CALHM4: variants seen among roughly 807,000 people sequenced by gnomAD.
The protein encoded by CALHM4 is calcium homeostasis modulator protein 4.
Under a neutral mutation model 13.3 loss-of-function variants are expected in CALHM4, and 16 were observed. The observed-to-expected ratio is 1.20, with a 90% CI of 0.81 to 1.82. The LOEUF is 1.82. Among genes scored for constraint, CALHM4 ranks in the 40% most tolerant of loss-of-function variants. The pLI is 0.00. For synonymous variants in CALHM4, 127 were observed against 137.1 expected, an observed-to-expected ratio of 0.93 and a Z score of 0.52; for missense variants, 344 against 374.9, an observed-to-expected ratio of 0.92 and a Z score of 0.68.
At chr6:116,540,534 G>C in intron 1 of CALHM4, 1 of 1,436,188 alleles carries the variant, frequency 7.0e-7, no homozygotes, top group Non-Finnish European at 9.6e-7. Flanking sequence ...TTTAAGAAGC[G>C]ATTTGTGTGT....
In CALHM4 at chr6:116,545,495, C is replaced by T. The variant is rs186298269; in HGVS notation, c.-1+1623C>T. 7.8e-4 allele frequency: 1,202 copies of T among 1,547,922 alleles called. 4 individuals carry two copies. In the Middle Eastern group the frequency reaches 7.9e-3, roughly 10 times the overall value. On this transcript the variant is annotated intron_variant, in intron 2 of 2. Transcript: ENST00000368597. The stretch of plus-strand genomic sequence containing the variant: ...TACTATTTTATGGTATTCTGGTCTT[C>T]GGTGTGCAGGGCGAGACATAGTGCT...
At chr6:116,548,204 G>C (rs1773896382) in intron 2 of CALHM4, among the ~76,000 whole-genome samples, 1 of 152,156 alleles carries the variant, frequency 6.6e-6, no homozygotes, top group South Asian at 2.1e-4. Flanking sequence ...TTAGACTTTT[G>C]TTGCTCTTCT....
At chr6:116,529,129 T>A (rs186610997) in exon 1 of CALHM4, 1 of 152,354 alleles carries the variant, frequency 6.6e-6, no homozygotes, top group African/African-American at 2.4e-5. Context: ...TTGTCCTGAC[T>A]CTTCAGGTGA....
At chr6:116,543,800 C>G (rs1429293627) in exon 2 of CALHM4, 1 of 1,533,242 alleles carries the variant, frequency 6.5e-7, no homozygotes, top group Admixed American at 2.0e-5. Context: ...TCTCAGGCGT[C>G]TGCACAATCC....
At chr6:116,548,891 G>C (rs1773924261), upstream of CALHM4, among the ~76,000 whole-genome samples, 3 of 152,226 alleles carry the variant, frequency 2.0e-5, no homozygotes, top group South Asian at 6.2e-4. Flanking sequence ...TTGTGTGCAT[G>C]TTTGATGTAG....
chr6:116,551,990 G>C (rs1272643260), upstream of CALHM4, among the ~76,000 whole-genome samples: 1 of 152,156 alleles, frequency 6.6e-6, no homozygotes, highest in Non-Finnish European at 1.5e-5. Flanking sequence ...TGAATTGAAT[G>C]GACTTTTAAA....
chr6:116,553,390 C>T (rs980434245), upstream of CALHM4, among the ~76,000 whole-genome samples: 4 of 152,178 alleles, frequency 2.6e-5, no homozygotes, highest in East Asian at 1.9e-4. Context: ...TTTATGGTGA[C>T]GAGATTCTAG....
rs1307693856 is a variant in CALHM4 at position 116,543,448 on chromosome 6, T to C, written c.-108-317T>C. On this transcript the variant is annotated intron_variant, in intron 1 of 2. Coordinates refer to the CALHM4 transcript ENST00000368597. ...TGGTTATAGGCAAGTTATGACAGTA[T>C]ACTACTGTATTTCTTTTGTTTATAA... The C allele has an allele frequency of 1.5e-5, 21 of 1,358,668 alleles. No homozygotes were observed. In the East Asian group the frequency reaches 5.0e-4, roughly 33 times the overall value. The allele number at this position is 1,358,668 out of a possible 1,614,324, so 84.2% of individuals were successfully genotyped here. A position where few individuals can be genotyped will look rare whatever the true frequency, so the allele number is the denominator to read the frequency against.
chr6:116,550,616 A>G (rs1008622866), upstream of CALHM4, among the ~76,000 whole-genome samples: 1 of 151,960 alleles, frequency 6.6e-6, no homozygotes, highest in African/African-American at 2.4e-5. Context: ...TCCCATTTCT[A>G]CCATTATTTT....
Position 116,554,056 on chromosome 6 carries a change from C to T in CALHM4, c.263C>T (p.Pro88Leu). 1 of 1,550,692 alleles carries T rather than the reference C, an allele frequency of 6.4e-7. No individual in the cohort carries two copies. Among genetic ancestry groups the T allele is most frequent in the Non-Finnish European group, 8.7e-7 (1 of 1,147,026 alleles). ...TGEYCCSCAP[P>L]YRRISPLECK... ...GAATACTGCTGCAGCTGTGCCCCTC[C>T]ATACAGGAGAATCAGCCCCCTAGAG... The change falls in exon 1 of 2, where the codon CCA becomes CTA. Residue 88 changes from proline to leucine, a missense_variant. Pro to Leu is a moderately conservative substitution (Grantham distance 98). Coordinates refer to ENST00000368596, the MANE Select transcript of CALHM4 (RefSeq NM_001366078.2).
At chr6:116,547,698 G>C (rs1037323444) in intron 2 of CALHM4, among the ~76,000 whole-genome samples, 3 of 152,224 alleles carry the variant, frequency 2.0e-5, no homozygotes, top group African/African-American at 7.2e-5. Flanking sequence ...CAGAGATGAT[G>C]TTTCAAGCGG....
At chr6:116,543,279 T>C in intron 1 of CALHM4, 6 of 1,506,766 alleles carry the variant, frequency 4.0e-6, no homozygotes, top group Non-Finnish European at 5.4e-6. Flanking sequence ...AGCCATTCAA[T>C]AAGAATGAAG....
At chr6:116,538,532 T>C (rs1773232628) in intron 1 of CALHM4, among the ~76,000 whole-genome samples, 1 of 152,146 alleles carries the variant, frequency 6.6e-6, no homozygotes, top group African/African-American at 2.4e-5. Context: ...AGGAATGAAA[T>C]TTTTTGCTAG....
chr6:116,552,483 A>G (rs1774123345), upstream of CALHM4, among the ~76,000 whole-genome samples: 1 of 152,074 alleles, frequency 6.6e-6, no homozygotes, highest in African/African-American at 2.4e-5. Flanking sequence ...CAGAACTCCT[A>G]CTAGACAGAT....
chr6:116,549,980 T>TTATATATATATATATATA (rs10544532), upstream of CALHM4, among the ~76,000 whole-genome samples: 1 of 82,050 alleles, frequency 1.2e-5, no homozygotes. Context: ...CCATCTTAAA[T>TTATATATATATATATATA]TATATATATA....
At chr6:116,530,902 C>CAT (rs10557481) in intron 1 of CALHM4, among the ~76,000 whole-genome samples, 9,702 of 75,530 alleles carry the variant, frequency 0.13, 472 homozygotes, top group East Asian at 0.17. Context: ...AAGTGAGACT[C>CAT]ATATATATAT....
intron 1 of CALHM4, among the ~76,000 whole-genome samples, chr6:116,555,612 C>G (rs1774276587): frequency 6.6e-6 from 1 of 152,082 alleles, no homozygotes; most frequent in Non-Finnish European, 1.5e-5. Flanking sequence ...ATAAGTAAAT[C>G]AAAGCTCAAA....
intron 1 of CALHM4, among the ~76,000 whole-genome samples, chr6:116,530,362 A>G (rs556553907): frequency 6.6e-6 from 1 of 152,312 alleles, no homozygotes; most frequent in African/African-American, 2.4e-5. Flanking sequence ...CATTCTTTGA[A>G]AAAAGAAAAC....
chr6:116,540,498 T>G (rs1562353728), intron 1 of CALHM4: 1 of 1,538,450 alleles, frequency 6.5e-7, no homozygotes, highest in South Asian at 1.2e-5. Flanking sequence ...CTGAAAATTC[T>G]AAGAAATTAG....
Sources: allele counts gnomAD v4.1 joint callset (sites outside exome capture counted in the v4.1 genomes callset), GRCh38; gene constraint gnomAD v4.1.1; transcripts MANE v1.5; gene names NCBI Gene and HGNC (gene_info 2026-07-23, HGNC 2026-07-21).